ZDHHC7: variants seen among roughly 807,000 people sequenced by gnomAD.
ZDHHC7 encodes zDHHC palmitoyltransferase 7, also known as palmitoyltransferase ZDHHC7.
A neutral mutation model predicts 34.1 loss-of-function variants in ZDHHC7; 12 were observed. That is an observed-to-expected ratio of 0.35 (90% CI 0.23 to 0.57). The LOEUF is 0.57. Among genes scored for constraint, ZDHHC7 ranks in the 20% least tolerant of loss-of-function variants. The pLI is 0.84. For missense variants in ZDHHC7, 388 were observed against 402.7 expected (o/e 0.96, Z 0.31); for synonymous variants, 185 against 155.4 (o/e 1.19, Z -1.42).
the ZDHHC7 span, among the ~76,000 whole-genome samples, chr16:85,026,950 C>G: frequency 1.3e-5 from 2 of 152,148 alleles, no homozygotes; most frequent in African/African-American, 4.8e-5. Flanking sequence ...TAGGGAGGGG[C>G]TGTCAGTTTA....
chr16:84,979,023 T>C (rs561727955), intron 5 of ZDHHC7, among the ~76,000 whole-genome samples, 166 bp downstream of exon 5: 11 of 152,318 alleles, frequency 7.2e-5, no homozygotes, highest in African/African-American at 2.4e-4. Flanking sequence ...ATATTACTTA[T>C]TGGGACTACT....
intron 3 of ZDHHC7, among the ~76,000 whole-genome samples, chr16:84,989,628 G>C (rs1228269782): frequency 6.8e-6 from 1 of 147,832 alleles, no homozygotes; most frequent in African/African-American, 2.5e-5. Flanking sequence ...CCAGGAGGCA[G>C]AGGTTGCAGT....
the ZDHHC7 span, among the ~76,000 whole-genome samples, chr16:85,021,544 A>G: frequency 6.6e-6 from 1 of 151,910 alleles, no homozygotes; most frequent in Admixed American, 6.6e-5. Flanking sequence ...CCTTGTCTCT[A>G]CTAAAGAAAA....
At chr16:84,987,075 G>C (rs2072446397) in intron 3 of ZDHHC7, among the ~76,000 whole-genome samples, 1 of 152,222 alleles carries the variant, frequency 6.6e-6, no homozygotes, top group African/African-American at 2.4e-5. Context: ...GACTCAGAGA[G>C]ACAGACAAAG....
At chr16:85,009,709 C>T (rs796422299) in intron 1 of ZDHHC7, among the ~76,000 whole-genome samples, 18,247 of 126,178 alleles carry the variant, frequency 0.14, 1,408 homozygotes, top group African/African-American at 0.2. Flanking sequence ...GACTTTTTTT[C>T]TTTTTTTTTT....
intron 1 of ZDHHC7, among the ~76,000 whole-genome samples, chr16:85,005,545 G>A (rs923849466): frequency 6.6e-6 from 1 of 152,194 alleles, no homozygotes; most frequent in African/African-American, 2.4e-5. Flanking sequence ...AGTTAGGGTG[G>A]AGTCAGAACT....
chr16:85,013,120 A>C (rs1378019265), upstream of ZDHHC7, among the ~76,000 whole-genome samples: 1 of 151,042 alleles, frequency 6.6e-6, no homozygotes, highest in African/African-American at 2.4e-5. Context: ...GGAATCTGCA[A>C]ACAAACCTTA....
intron 4 of ZDHHC7, among the ~76,000 whole-genome samples, chr16:84,979,804 G>C (rs1217982676): frequency 6.6e-6 from 1 of 151,830 alleles, no homozygotes; most frequent in African/African-American, 2.4e-5. Context: ...TTTTACTTTT[G>C]CCCAAAACAC....
At chr16:85,023,535 T>G in the ZDHHC7 span, among the ~76,000 whole-genome samples, 15 of 152,222 alleles carry the variant, frequency 9.9e-5, no homozygotes, top group Non-Finnish European at 1.9e-4. Context: ...GGCATGGTAG[T>G]CAAACACACA....
rs1008664205 is a variant in ZDHHC7 at position 84,981,962 on chromosome 16, T to C, written c.348A>G (p.Glu116=). The change falls in exon 4 of 8, where the codon GAA becomes GAG. Residue 116 remains glutamate, a synonymous_variant. Coordinates refer to ENST00000313732, the MANE Select transcript of ZDHHC7 (RefSeq NM_017740.3). ...GCTTCAGCTGCAAGCTCTCCATGTA[T>C]TCTTTCGTAGCGTTTCCTTTGGGTA... ...GAVPKGNATK[E]YMESLQLKPG... is the part of the protein sequence containing the mutation. 2 of 1,614,108 alleles carry C rather than the reference T, an allele frequency of 1.2e-6. No homozygotes were observed. The highest frequency in any genetic ancestry group is 1.7e-6 in the Non-Finnish European group (2 of 1,180,044).
At chr16:84,977,502 T>C (rs1374830857) in intron 6 of ZDHHC7, among the ~76,000 whole-genome samples, 2 of 152,232 alleles carry the variant, frequency 1.3e-5, no homozygotes, top group African/African-American at 4.8e-5. Context: ...AAATGGCAAA[T>C]GAAGCCAGAC....
intron 1 of ZDHHC7, among the ~76,000 whole-genome samples, chr16:84,999,821 G>A (rs770475321): frequency 1.3e-5 from 2 of 152,046 alleles, no homozygotes; most frequent in Non-Finnish European, 2.9e-5. Flanking sequence ...AATACAATTC[G>A]CTGTTTAAAA....
chr16:84,981,430 C>A (rs758841695), intron 4 of ZDHHC7, among the ~76,000 whole-genome samples: 2 of 152,344 alleles, frequency 1.3e-5, no homozygotes, highest in Middle Eastern at 3.4e-3. Context: ...CAAAAGTGAA[C>A]GCACAACAGC....
At chr16:85,010,013 C>G (rs1356520887) in intron 1 of ZDHHC7, among the ~76,000 whole-genome samples, 1 of 149,716 alleles carries the variant, frequency 6.7e-6, no homozygotes, top group Non-Finnish European at 1.5e-5. Flanking sequence ...TGGCCAAGTT[C>G]TGACTTTTAA....
intron 2 of ZDHHC7, among the ~76,000 whole-genome samples, chr16:84,991,922 G>A (rs554383654): frequency 7.9e-5 from 12 of 152,202 alleles, no homozygotes; most frequent in East Asian, 7.7e-4. Context: ...AAGTAGGACC[G>A]GGCACAGTGG....
chr16:85,024,831 C>A, the ZDHHC7 span, among the ~76,000 whole-genome samples: 1 of 152,194 alleles, frequency 6.6e-6, no homozygotes, highest in African/African-American at 2.4e-5. Context: ...GAGATTGGTT[C>A]CAGGGGATGA....
chr16:84,992,344 GTA>G (rs2072521995), intron 2 of ZDHHC7, among the ~76,000 whole-genome samples: 2 of 25,214 alleles, frequency 7.9e-5, no homozygotes, highest in African/African-American at 3.1e-3. Context: ...GCAGGCGCCT[GTA>G]CCTGTAATCC....
chr16:85,010,213 G>C (rs2072772544), intron 1 of ZDHHC7, among the ~76,000 whole-genome samples: 1 of 151,512 alleles, frequency 6.6e-6, no homozygotes, highest in South Asian at 2.1e-4. Flanking sequence ...TAGAGAAGGG[G>C]ATCTCACTAT....
intron 1 of ZDHHC7, among the ~76,000 whole-genome samples, chr16:85,010,487 G>C (rs1157291156): frequency 6.6e-6 from 1 of 152,158 alleles, no homozygotes; most frequent in Non-Finnish European, 1.5e-5. Context: ...CAGTAAAATA[G>C]ATAAATACGT....
Sources: allele counts gnomAD v4.1 joint callset (sites outside exome capture counted in the v4.1 genomes callset), GRCh38; gene constraint gnomAD v4.1.1; transcripts MANE v1.5; gene names NCBI Gene and HGNC (gene_info 2026-07-23, HGNC 2026-07-21).